Variants in AGPAT3 observed in about 807,000 individuals in gnomAD.
AGPAT3 encodes the protein 1-acylglycerol-3-phosphate O-acyltransferase 3.
AGPAT3 carries 5 observed loss-of-function variants against 47.3 expected under a neutral mutation model. The observed-to-expected ratio is 0.11, with a 90% CI of 0.06 to 0.22. The LOEUF (loss-of-function observed/expected upper bound fraction) is 0.22. AGPAT3 is among the 10% of genes least tolerant of loss of function. The pLI is 1.00. For synonymous variants in AGPAT3, 212 were observed against 208.3 expected (o/e 1.02, Z -0.15); for missense variants, 315 against 493.0 (o/e 0.64, Z 3.42).
chr21:43,887,319 C>T (rs1005453155), intron 1 of AGPAT3, among the ~76,000 whole-genome samples: 21 of 152,208 alleles, frequency 1.4e-4, no homozygotes, highest in Non-Finnish European at 2.5e-4. Context: ...AAAGAAACAA[C>T]CAAATGCAGC....
At chr21:43,896,161 C>T (rs917201036) in intron 1 of AGPAT3, among the ~76,000 whole-genome samples, 1 of 152,248 alleles carries the variant, frequency 6.6e-6, no homozygotes, top group African/African-American at 2.4e-5. Flanking sequence ...GCCTTGGCTT[C>T]CCAAAATGTT....
At chr21:43,964,629 G>A (rs1485115770) in intron 3 of AGPAT3, among the ~76,000 whole-genome samples, 1 of 152,136 alleles carries the variant, frequency 6.6e-6, no homozygotes, top group Non-Finnish European at 1.5e-5. Flanking sequence ...AGAAAGAAAA[G>A]CATTAAAATA....
chr21:43,903,260 G>A (rs539634101), intron 1 of AGPAT3, among the ~76,000 whole-genome samples: 2 of 152,318 alleles, frequency 1.3e-5, no homozygotes, highest in African/African-American at 4.8e-5. Context: ...TAGCGGGGAT[G>A]GGGAGTAGGT....
chr21:43,945,315 G>A (rs371935933), intron 2 of AGPAT3, among the ~76,000 whole-genome samples: 4 of 152,174 alleles, frequency 2.6e-5, no homozygotes, highest in African/African-American at 7.2e-5. Context: ...ACAGCCCATC[G>A]CACACCTGAC....
Position 43,934,913 on chromosome 21 carries a change from C to G in AGPAT3, c.-48-24721C>G, listed in dbSNP as rs1824934095. Among the ~76,000 whole-genome samples, 1 of 151,122 alleles carries G rather than the reference C, an allele frequency of 6.6e-6. No homozygotes were observed. The highest frequency in any genetic ancestry group is 2.4e-5 in the African/African-American group (1 of 41,074). On this transcript the variant is annotated intron_variant, in intron 2 of 9. Coordinates refer to ENST00000291572, the MANE Select transcript of AGPAT3 (RefSeq NM_020132.5). The surrounding 1 kb of genome is among the most constrained non-coding windows in gnomAD (Gnocchi z 4.7). ...TCACATGCCACCCATGCCACCCACACCACCTCTGCCCCTCACATGTCACCC... is the reference window on the plus strand; with the variant it reads ...TCACATGCCACCCATGCCACCCACAGCACCTCTGCCCCTCACATGTCACCC...
intron 2 of AGPAT3, among the ~76,000 whole-genome samples, chr21:43,913,140 C>A (rs2086661715): frequency 6.6e-6 from 1 of 152,190 alleles, no homozygotes. Context: ...TTCCTCATAG[C>A]AAACCATCCT....
Position 43,970,662 on chromosome 21 carries a change from T to C in AGPAT3, c.520T>C (p.Tyr174His). 1 of 1,613,830 alleles carries C rather than the reference T, an allele frequency of 6.2e-7. No homozygotes were observed. Among genetic ancestry groups the C allele is most frequent in the South Asian group, 1.1e-5 (1 of 91,074 alleles). ...DYPEYMWFLL[Y>H]CEGTRFTETK... ...TCCGTGTTGATCCTAGTTTCTCCTG[T>C]ACTGCGAGGGGACGCGCTTCACGGA... Residue 174 changes from tyrosine to histidine, a missense_variant, in exon 6 of 10, where the codon TAC becomes CAC. Physicochemically the swap from Tyr to His is moderately conservative, Grantham distance 83 (BLOSUM62 2). Coordinates refer to ENST00000291572, the MANE Select transcript of AGPAT3 (RefSeq NM_020132.5). This position sits in a 1 kb window ranked among gnomAD's most constrained non-coding sequence, Gnocchi z 5.8.
At chr21:43,866,927 G>T (rs2085520082) in intron 1 of AGPAT3, among the ~76,000 whole-genome samples, 1 of 152,258 alleles carries the variant, frequency 6.6e-6, no homozygotes, top group South Asian at 2.1e-4. Flanking sequence ...GTCCCCAGGA[G>T]TGTGGATTCT....
chr21:43,923,142 A>G (rs972894293), intron 2 of AGPAT3, among the ~76,000 whole-genome samples: 3 of 151,724 alleles, frequency 2.0e-5, no homozygotes, highest in Non-Finnish European at 2.9e-5. Flanking sequence ...TGAGGCTCGC[A>G]GCCTCGGGGA....
chr21:43,898,763 G>T (rs982984869), intron 1 of AGPAT3, among the ~76,000 whole-genome samples: 2 of 152,222 alleles, frequency 1.3e-5, no homozygotes, highest in African/African-American at 4.8e-5. Context: ...CTGACCTCAG[G>T]TGATCAGCCC....
intron 1 of AGPAT3, among the ~76,000 whole-genome samples, chr21:43,869,175 A>G (rs2085571466): frequency 6.6e-6 from 1 of 152,228 alleles, no homozygotes; most frequent in Non-Finnish European, 1.5e-5. Context: ...AATTCAATTG[A>G]CGTAAATTCA....
chr21:43,877,455 T>C (rs1166353378), intron 1 of AGPAT3, among the ~76,000 whole-genome samples: 1 of 152,022 alleles, frequency 6.6e-6, no homozygotes, highest in East Asian at 1.9e-4. Flanking sequence ...TATTCTTTTT[T>C]TTTTCTTTTT....
intron 3 of AGPAT3, among the ~76,000 whole-genome samples, chr21:43,961,141 TAA>T (rs1042119184): frequency 5.4e-5 from 7 of 130,134 alleles, no homozygotes; most frequent in African/African-American, 5.8e-5. Flanking sequence ...AGACTCTGTC[TAA>T]AAAAAAAAAA....
intron 1 of AGPAT3, among the ~76,000 whole-genome samples, chr21:43,881,901 C>T (rs1057025357): frequency 7.9e-5 from 12 of 152,268 alleles, no homozygotes; most frequent in African/African-American, 2.7e-4. Context: ...AGGTGATCCA[C>T]CTGCCTCAGC....
chr21:43,959,387 A>G (rs1337653889), intron 2 of AGPAT3, among the ~76,000 whole-genome samples: 5 of 66,808 alleles, frequency 7.5e-5, no homozygotes, highest in Admixed American at 1.7e-4. Flanking sequence ...TGTGTGTGTG[A>G]CGTGTGGTTT....
At chr21:43,946,740 T>C (rs2087908892) in intron 2 of AGPAT3, among the ~76,000 whole-genome samples, 1 of 152,252 alleles carries the variant, frequency 6.6e-6, no homozygotes, top group Admixed American at 6.5e-5. Context: ...CTAGGTCAAC[T>C]TAGCTGTGAC....
chr21:43,871,227 C>T (rs1446737820), intron 1 of AGPAT3, among the ~76,000 whole-genome samples: 5 of 152,072 alleles, frequency 3.3e-5, no homozygotes, highest in Non-Finnish European at 5.9e-5. Context: ...GGGAAAAATC[C>T]CAAGAATTTA....
intron 1 of AGPAT3, among the ~76,000 whole-genome samples, chr21:43,879,274 C>G: frequency 6.7e-6 from 1 of 149,522 alleles, no homozygotes; most frequent in Non-Finnish European, 1.5e-5. Flanking sequence ...TGCCTGAACC[C>G]AGGAGGTGGA....
chr21:43,918,963 T>A (rs563918637), intron 2 of AGPAT3, among the ~76,000 whole-genome samples: 9 of 152,324 alleles, frequency 5.9e-5, no homozygotes, highest in Non-Finnish European at 1.0e-4. Flanking sequence ...CTTTCTACTT[T>A]ACCATCACCA....
Sources: allele counts gnomAD v4.1 joint callset (sites outside exome capture counted in the v4.1 genomes callset), GRCh38; gene constraint gnomAD v4.1.1; non-coding constraint Gnocchi (gnomAD v3.1); transcripts MANE v1.5; gene names NCBI Gene and HGNC (gene_info 2026-07-23, HGNC 2026-07-21).